LRMDA: variants seen among roughly 807,000 people sequenced by gnomAD.
LRMDA encodes leucine rich melanocyte differentiation associated.
A neutral mutation model predicts 29.8 loss-of-function variants in LRMDA; 18 were observed. That is an observed-to-expected ratio of 0.60 (90% CI 0.42 to 0.90). LRMDA has a LOEUF of 0.90. Ranked by LOEUF, LRMDA falls within the 40% of genes least tolerant of loss-of-function variation. The probability of loss-of-function intolerance (pLI) is 0.00; values close to 1 mark genes in which losing one functional copy is unlikely to be tolerated. For synonymous variants in LRMDA, 125 were observed against 109.4 expected, an observed-to-expected ratio of 1.14 and a Z score of -0.89; for missense variants, 273 against 273.9, an observed-to-expected ratio of 1.00 and a Z score of 0.02.
At chr10:76,415,044 C>A (rs989674063) in intron 6 of LRMDA, among the ~76,000 whole-genome samples, 1 of 152,254 alleles carries the variant, frequency 6.6e-6, no homozygotes, top group African/African-American at 2.4e-5. Flanking sequence ...TTGCCCACAT[C>A]CAGGCCCTTC....
At chr10:76,190,204 A>G (rs1589369503) in intron 5 of LRMDA, among the ~76,000 whole-genome samples, 1 of 152,174 alleles carries the variant, frequency 6.6e-6, no homozygotes, top group East Asian at 1.9e-4. Flanking sequence ...TAATTAAACA[A>G]TGATTACATT....
chr10:75,697,620 C>G (rs372204420), intron 2 of LRMDA, among the ~76,000 whole-genome samples: 3 of 151,716 alleles, frequency 2.0e-5, no homozygotes, highest in African/African-American at 4.8e-5. Flanking sequence ...TATGGGAGAC[C>G]AGGTGGAGGG....
At chr10:75,577,134 C>T (rs951901270) in intron 2 of LRMDA, among the ~76,000 whole-genome samples, 1 of 152,040 alleles carries the variant, frequency 6.6e-6, no homozygotes, top group East Asian at 1.9e-4. Flanking sequence ...GAAGCTAAGA[C>T]CCTTGAGAAA....
At chr10:76,158,028 C>G (rs532958116) in intron 5 of LRMDA, among the ~76,000 whole-genome samples, 5 of 152,220 alleles carry the variant, frequency 3.3e-5, no homozygotes, top group Admixed American at 2.0e-4. Context: ...TATGGGACCA[C>G]CATCTTATAT....
chr10:75,641,409 AAT>A (rs34386674), intron 2 of LRMDA, among the ~76,000 whole-genome samples: 5 of 148,772 alleles, frequency 3.4e-5, no homozygotes, highest in South Asian at 2.1e-4. Flanking sequence ...GTTAATATAT[AAT>A]ATATATATAT....
intron 5 of LRMDA, among the ~76,000 whole-genome samples, chr10:76,131,009 G>T (rs1849982885): frequency 6.6e-6 from 1 of 152,122 alleles, no homozygotes; most frequent in Non-Finnish European, 1.5e-5. Context: ...TCTTCCAAGG[G>T]CATGATTTTG....
intron 5 of LRMDA, among the ~76,000 whole-genome samples, chr10:76,299,603 C>CT (rs34214231): frequency 0.33 from 32,818 of 99,350 alleles, 3,937 homozygotes; most frequent in African/African-American, 0.38. Context: ...CCCTTCCTTT[C>CT]TTTTTTTTTT....
At chr10:75,597,159 A>G (rs951993681) in intron 2 of LRMDA, among the ~76,000 whole-genome samples, 1 of 152,132 alleles carries the variant, frequency 6.6e-6, no homozygotes, top group African/African-American at 2.4e-5. Flanking sequence ...ATCATCTCCA[A>G]ATTCTCAACT....
At chr10:75,693,107 T>C (rs1842192279) in intron 2 of LRMDA, among the ~76,000 whole-genome samples, 1 of 152,152 alleles carries the variant, frequency 6.6e-6, no homozygotes, top group African/African-American at 2.4e-5. Context: ...GAGGGACCCC[T>C]TTCTGTAATA....
intron 6 of LRMDA, among the ~76,000 whole-genome samples, chr10:76,456,345 G>A (rs1842456750): frequency 6.6e-6 from 1 of 152,144 alleles, no homozygotes; most frequent in African/African-American, 2.4e-5. Flanking sequence ...CATGTTCAAT[G>A]TCTGCCAAGT....
chr10:75,658,073 G>T (rs896676354), intron 2 of LRMDA, among the ~76,000 whole-genome samples: 3 of 152,002 alleles, frequency 2.0e-5, no homozygotes, highest in Admixed American at 6.6e-5. Flanking sequence ...CCCAAAAATT[G>T]CTGCTAATTG....
intron 2 of LRMDA, among the ~76,000 whole-genome samples, chr10:75,674,841 G>T (rs1025210036): frequency 1.3e-5 from 2 of 152,096 alleles, no homozygotes; most frequent in African/African-American, 4.8e-5. Flanking sequence ...AGCTGGAGGG[G>T]TTTTGGGGGA....
chr10:75,752,765 A>G (rs773501105), intron 2 of LRMDA, among the ~76,000 whole-genome samples: 1 of 152,156 alleles, frequency 6.6e-6, no homozygotes, highest in Non-Finnish European at 1.5e-5. Flanking sequence ...ACATTAAATG[A>G]AGCTTGTGTT....
At chr10:75,840,608 G>A (rs946057895) in intron 2 of LRMDA, among the ~76,000 whole-genome samples, 1 of 152,174 alleles carries the variant, frequency 6.6e-6, no homozygotes, top group Non-Finnish European at 1.5e-5. Flanking sequence ...TGTGTTGTAT[G>A]TATCTGTTCA....
At chr10:75,862,092 A>G (rs746496813) in intron 2 of LRMDA, among the ~76,000 whole-genome samples, 4 of 152,060 alleles carry the variant, frequency 2.6e-5, no homozygotes, top group Admixed American at 6.6e-5. Context: ...GCCCCTATCA[A>G]CCTACAGAAT....
intron 2 of LRMDA, among the ~76,000 whole-genome samples, chr10:75,637,950 G>A (rs895619254): frequency 3.9e-5 from 6 of 152,240 alleles, no homozygotes; most frequent in Admixed American, 2.0e-4. Flanking sequence ...AACACCAGCA[G>A]CACTGACAAA....
At chr10:76,535,761 AC>A (rs1843284066) in intron 6 of LRMDA, 2 of 152,204 alleles carry the variant, frequency 1.3e-5, no homozygotes, top group Admixed American at 1.3e-4. Context: ...TATTATATAT[AC>A]CATTTTATTT....
chr10:75,459,492 G>A (rs754776404), intron 2 of LRMDA, among the ~76,000 whole-genome samples: 3 of 152,114 alleles, frequency 2.0e-5, no homozygotes, highest in African/African-American at 4.8e-5. Context: ...AAAAGCACAC[G>A]CTTCCAAAGG....
At chr10:76,353,460 G>A (rs975513771) in intron 6 of LRMDA, among the ~76,000 whole-genome samples, 10 of 151,890 alleles carry the variant, frequency 6.6e-5, no homozygotes, top group African/African-American at 2.2e-4. Flanking sequence ...CAGATTATTC[G>A]ACTGAAGTAG....
Sources: allele counts gnomAD v4.1 joint callset (sites outside exome capture counted in the v4.1 genomes callset), GRCh38; gene constraint gnomAD v4.1.1; transcripts MANE v1.5; gene names NCBI Gene and HGNC (gene_info 2026-07-23, HGNC 2026-07-21).